Variants in PRDM11 observed in about 807,000 individuals in gnomAD.
The protein encoded by PRDM11 is PR domain-containing protein 11.
In PRDM11, 20 loss-of-function variants were observed where a neutral mutation model predicts 97.8. That is an observed-to-expected ratio of 0.20 (90% CI 0.14 to 0.30). The LOEUF (loss-of-function observed/expected upper bound fraction) is 0.30, where lower values mean the gene tolerates loss of function less well. Ranked by LOEUF, PRDM11 falls within the 10% of genes least tolerant of loss-of-function variation. PRDM11 has a pLI of 1.00. For synonymous variants in PRDM11, 599 were observed against 637.7 expected (o/e 0.94, Z 0.91); for missense variants, 1,139 against 1,555.2 (o/e 0.73, Z 4.50).
At chr11:45,213,887 G>C (rs954658952) in intron 5 of PRDM11, 1 of 374,954 alleles carries the variant, frequency 2.7e-6, no homozygotes, top group Middle Eastern at 6.0e-4. Flanking sequence ...GAGGAGGCAG[G>C]GGGCAGGTCT....
In PRDM11 at chr11:45,227,572, G is replaced by A. The variant is rs1172426796; in HGVS notation, c.2947G>A (p.Val983Met). 1 of 1,533,912 alleles carries A rather than the reference G, an allele frequency of 6.5e-7. No individual in the cohort carries two copies. Among genetic ancestry groups the A allele is most frequent in the Admixed American group, 2.0e-5 (1 of 50,996 alleles). Residue 983 changes from valine to methionine, a missense_variant, in exon 8 of 8, where the codon GTG becomes ATG. By Grantham distance (21) the Val-to-Met change is conservative (BLOSUM62 1). Around this residue, in one of 2 missense-constraint regions of PRDM11, gnomAD observed 710 missense variants for 1,044.9 expected, o/e 0.68. Transcript: ENST00000683152. The surrounding 1 kb of genome is among the most constrained non-coding windows in gnomAD (Gnocchi z 8.0). ...GTTCGACTCCCGCAGCCGGATCTTT[G>A]TGAAGGCCTGCCAGGTGTTTGACCT... ...QRFDSRSRIF[V>M]KACQVFDLAA...
At position 45,186,191 on chromosome 11, in the gene PRDM11, G is replaced by A. The variant is rs550905267; in HGVS notation, c.486+3068G>A. Among the ~76,000 whole-genome samples, 41 of 152,276 alleles carry A rather than the reference G, an allele frequency of 2.7e-4. No individual in the cohort carries two copies. The South Asian group carries it at 8.1e-3, about 30-fold the overall frequency. ...GGCAGTTTATTGGCAATTTATTACA[G>A]GAGCAACAGGGAACTCATATAGGAG... On this transcript the variant is annotated intron_variant, in intron 4 of 7. Transcript: ENST00000683152.
chr11:45,181,225 G>C (rs1257821229), intron 1 of PRDM11, among the ~76,000 whole-genome samples: 5 of 151,966 alleles, frequency 3.3e-5, no homozygotes, highest in African/African-American at 1.2e-4. Flanking sequence ...TGGAGCCCTG[G>C]CTGGCCCTCG....
intron 1 of PRDM11, among the ~76,000 whole-genome samples, chr11:45,150,207 C>T (rs1307129043): frequency 6.6e-6 from 1 of 152,128 alleles, no homozygotes; most frequent in Non-Finnish European, 1.5e-5. Context: ...CCTCCTCATC[C>T]TTCCTCCTCC....
Position 45,205,617 on chromosome 11 carries a change from C to T in PRDM11, c.554+839C>T, listed in dbSNP as rs114557932. Among the ~76,000 whole-genome samples the T allele has an allele frequency of 5.2e-3, 797 of 152,242 alleles. 5 individuals carry two copies. The highest frequency in any genetic ancestry group is 0.017 in the African/African-American group (714 of 41,538). ...ACACCATGGGCCTGGGGCCCTCTGC[C>T]GGCATTTGCACAGTTTTCTGACCCA... is the stretch of plus-strand genomic sequence containing the variant. On this transcript the variant is annotated intron_variant, in intron 5 of 7. Transcript: ENST00000683152.
chr11:45,102,334 A>G (rs907000318), intron 1 of PRDM11, among the ~76,000 whole-genome samples: 2 of 152,160 alleles, frequency 1.3e-5, no homozygotes, highest in African/African-American at 4.8e-5. Flanking sequence ...ACCTGGGCCG[A>G]TGTGTGTTTA....
At chr11:45,094,587 AGGGAGGGGAGGGGAG>A (rs139677664), upstream of PRDM11, among the ~76,000 whole-genome samples, 6 of 84,852 alleles carry the variant, frequency 7.1e-5, no homozygotes, top group African/African-American at 2.8e-4. Context: ...GGAGAAGGAA[AGGGAGGGGAGGGGAG>A]GGGAGGGGAG....
At chr11:45,152,104 G>T (rs936132562) in intron 1 of PRDM11, among the ~76,000 whole-genome samples, 1 of 152,112 alleles carries the variant, frequency 6.6e-6, no homozygotes, top group Non-Finnish European at 1.5e-5. Flanking sequence ...GTCTTACTCT[G>T]TCACCCAAGC....
chr11:45,215,554 A>G (rs1377532946), intron 5 of PRDM11, among the ~76,000 whole-genome samples: 1 of 152,244 alleles, frequency 6.6e-6, no homozygotes, highest in African/African-American at 2.4e-5. Flanking sequence ...TGGAAGCTGT[A>G]AAACTGAAAT....
intron 1 of PRDM11, among the ~76,000 whole-genome samples, chr11:45,177,162 A>G (rs1852346210): frequency 6.6e-6 from 1 of 152,350 alleles, no homozygotes; most frequent in Admixed American, 6.5e-5. Flanking sequence ...GCTCCTGGGC[A>G]TTCCAGGATC....
intron 4 of PRDM11, among the ~76,000 whole-genome samples, chr11:45,190,291 C>T (rs902734985): frequency 6.6e-6 from 1 of 151,886 alleles, no homozygotes; most frequent in African/African-American, 2.4e-5. Flanking sequence ...GGACTACAGG[C>T]GCACACCACC....
intron 1 of PRDM11, among the ~76,000 whole-genome samples, chr11:45,109,602 A>T (rs61619540): frequency 0.025 from 3,836 of 152,256 alleles, 171 homozygotes; most frequent in African/African-American, 0.088. Context: ...CTGTGGCTCC[A>T]CTGGGCCACA....
At chr11:45,215,531 G>C (rs923871765) in intron 5 of PRDM11, among the ~76,000 whole-genome samples, 5 of 152,242 alleles carry the variant, frequency 3.3e-5, no homozygotes, top group African/African-American at 1.2e-4. Context: ...CCTGGGGAGG[G>C]AAGGAGCCAA....
chr11:45,170,475 G>C (rs981800042), intron 1 of PRDM11, among the ~76,000 whole-genome samples: 1 of 152,218 alleles, frequency 6.6e-6, no homozygotes, highest in Non-Finnish European at 1.5e-5. Flanking sequence ...AGCCACATGG[G>C]TATAAGGCGG....
At chr11:45,208,610 G>T (rs556447265) in intron 5 of PRDM11, among the ~76,000 whole-genome samples, 3 of 152,112 alleles carry the variant, frequency 2.0e-5, no homozygotes, top group East Asian at 3.9e-4. Context: ...AGCTCTCACC[G>T]CTAGTAAGAG....
chr11:45,108,416 C>T (rs1046928362), intron 1 of PRDM11, among the ~76,000 whole-genome samples: 16 of 152,306 alleles, frequency 1.1e-4, no homozygotes, highest in African/African-American at 3.4e-4. Context: ...GTCCCATGAG[C>T]TTCTGGGGTT....
chr11:45,227,643 G>A lies in PRDM11; in HGVS notation c.3018G>A (p.Lys1006=). The A allele has an allele frequency of 1.3e-6, 2 of 1,533,966 alleles. No homozygotes were observed. Among genetic ancestry groups the A allele is most frequent in the South Asian group, 1.2e-5 (1 of 83,966 alleles). Residue 1006 remains lysine, a synonymous_variant, in exon 8 of 8, where the codon AAG becomes AAA. Coordinates refer to ENST00000683152, the MANE Select transcript of PRDM11 (RefSeq NM_001384648.1). The surrounding 1 kb of genome is among the most constrained non-coding windows in gnomAD (Gnocchi z 8.0). ...RSSEELMSYG[K]EDMVQIFDHL... ...GTGAGGAGCTGATGAGCTATGGCAAGGAGGATATGGTGCAAATATTTGATC... is the reference window on the plus strand; with the variant it reads ...GTGAGGAGCTGATGAGCTATGGCAAAGAGGATATGGTGCAAATATTTGATC...
intron 1 of PRDM11, among the ~76,000 whole-genome samples, chr11:45,098,558 G>T (rs76778312): frequency 6.6e-6 from 1 of 152,186 alleles, no homozygotes; most frequent in Non-Finnish European, 1.5e-5. Context: ...GCCCAGGCTC[G>T]CACAGCTATG....
chr11:45,104,122 G>A (rs1168666102), intron 1 of PRDM11, among the ~76,000 whole-genome samples: 2 of 152,240 alleles, frequency 1.3e-5, no homozygotes, highest in Non-Finnish European at 1.5e-5. Context: ...AGGGCCCAGG[G>A]CAACAGAGCT....
Sources: gnomAD v4.1 joint callset for allele counts (sites outside exome capture counted in the v4.1 genomes callset) on GRCh38, gnomAD v4.1.1 for gene constraint, gnomAD v4.1.1 regional missense constraint, Gnocchi (gnomAD v3.1) non-coding constraint, MANE v1.5 for transcripts, NCBI Gene and HGNC (gene_info 2026-07-23, HGNC 2026-07-21) for gene names.